Variants in APOL1 observed in about 807,000 individuals in gnomAD.
APOL1 encodes apolipoprotein L 1.
APOL1 carries 17 observed loss-of-function variants against 14.9 expected under a neutral mutation model. That is an observed-to-expected ratio of 1.14 (90% CI 0.78 to 1.71). The LOEUF is 1.71. Ranked by LOEUF, APOL1 falls within the 40% of genes most tolerant of loss-of-function variation. APOL1 has a pLI of 0.00. For synonymous variants in APOL1, 195 were observed against 184.8 expected (o/e 1.05, Z -0.45); for missense variants, 523 against 485.9 (o/e 1.08, Z -0.72).
At chr22:36,259,452 C>T (rs558474595) in intron 4 of APOL1, among the ~76,000 whole-genome samples, 119 of 152,306 alleles carry the variant, frequency 7.8e-4, no homozygotes, top group Middle Eastern at 3.4e-3. Context: ...GCTTCCTCCC[C>T]TTACAGAGTT....
chr22:36,261,884 C>A (rs1285041952), intron 5 of APOL1, among the ~76,000 whole-genome samples, 162 bp downstream of exon 5: 1 of 152,228 alleles, frequency 6.6e-6, no homozygotes, highest in African/African-American at 2.4e-5. Context: ...CCTCCATGTC[C>A]TTCGCTGGCA....
intron 5 of APOL1, among the ~76,000 whole-genome samples, chr22:36,263,189 G>A (rs567247696): frequency 1.2e-4 from 19 of 152,264 alleles, no homozygotes; most frequent in South Asian, 1.2e-3. Context: ...TGGCTGGAGC[G>A]TCCATGTGGA....
intron 4 of APOL1, among the ~76,000 whole-genome samples, chr22:36,258,419 A>G (rs2015963649): frequency 6.6e-6 from 1 of 152,196 alleles, no homozygotes; most frequent in African/African-American, 2.4e-5. Context: ...TGCAGTAAGG[A>G]CATTATTTGA....
In APOL1 at chr22:36,256,585, C is replaced by T. The variant is rs146236428; in HGVS notation, c.45-498C>T. Among the ~76,000 whole-genome samples, 213 of 152,224 alleles carry T rather than the reference C, an allele frequency of 1.4e-3. 1 individual carries two copies. The highest frequency in any genetic ancestry group is 4.9e-3 in the African/African-American group (204 of 41,534). ...GGGACAAAGAATCTTAGAGAAGCAACGGGGACACAGGCTGTCCAGTGCAGC... is the reference window on the plus strand; with the variant it reads ...GGGACAAAGAATCTTAGAGAAGCAATGGGGACACAGGCTGTCCAGTGCAGC... On this transcript the variant is annotated intron_variant, in intron 2 of 5. Coordinates refer to ENST00000397278, the MANE Select transcript of APOL1 (RefSeq NM_003661.4).
chr22:36,259,761 A>G, intron 4 of APOL1: 1 of 1,304,310 alleles, frequency 7.7e-7, no homozygotes, highest in Non-Finnish European at 1.0e-6. Flanking sequence ...CTCAAGGATC[A>G]GTGCTGAGGG....
intron 5 of APOL1, among the ~76,000 whole-genome samples, chr22:36,264,077 C>T (rs766880333): frequency 6.6e-6 from 1 of 152,096 alleles, no homozygotes. Context: ...AGGCCAAGGT[C>T]GGCGCCTAGT....
In APOL1 at chr22:36,265,780, G is replaced by A. The variant is rs2016233640; in HGVS notation, c.944G>A (p.Gly315Asp). 2.5e-6 allele frequency: 4 copies of A among 1,614,196 alleles called. No individual in the cohort carries two copies. Among genetic ancestry groups the A allele is most frequent in the Non-Finnish European group, 2.5e-6 (3 of 1,180,034 alleles). ...RVTEPISAES[G>D]EQVERVNEPS... ...ACTGAGCCAATCTCAGCTGAAAGCG[G>A]TGAACAGGTGGAGAGGGTTAATGAA... The change falls in exon 6 of 6, where the codon GGT becomes GAT. Residue 315 changes from glycine (G) to aspartate (D), a missense_variant. Gly to Asp is a moderately conservative substitution (Grantham distance 94). Coordinates refer to ENST00000397278, the MANE Select transcript of APOL1 (RefSeq NM_003661.4).
rs1202565172 is a variant in APOL1, at chr22:36,259,658, T to C, written c.188-1938T>C. 5 of 1,284,376 alleles carry C rather than the reference T, an allele frequency of 3.9e-6. No individual in the cohort carries two copies. In the Admixed American group the frequency reaches 1.2e-4, roughly 30 times the overall value. The allele number at this position is 1,284,376 out of a possible 1,614,324, so 79.6% of individuals were successfully genotyped here. On this transcript the variant is annotated intron_variant, in intron 4 of 5. Coordinates refer to ENST00000397278, the MANE Select transcript of APOL1 (RefSeq NM_003661.4). ...CCCCCCAAAACAAGATGATCTGTGG[T>C]TTAATAACAGGCCCAGCTGGGTCCA...
Position 36,265,330 on chromosome 22 carries a change from T to C in APOL1, c.494T>C (p.Val165Ala). The change falls in exon 6 of 6, where the codon GTT becomes GCT. Residue 165 changes from valine to alanine, a missense_variant. Transcript: ENST00000397278. ...IRRLRALADG[V>A]QKVHKGTTIA... The stretch of plus-strand genomic sequence containing the variant: ...AGGCTCCGTGCCCTTGCAGATGGGG[T>C]TCAGAAGGTCCACAAAGGCACCACC... 2 of 1,612,222 alleles carry C rather than the reference T, an allele frequency of 1.2e-6. No homozygotes were observed. The highest frequency in any genetic ancestry group is 2.2e-5 in the South Asian group (2 of 90,850).
At chr22:36,257,463 G>C (rs776232375) in intron 4 of APOL1, 56 bp downstream of exon 4, 122 of 1,494,070 alleles carry the variant, frequency 8.2e-5, no homozygotes, top group Non-Finnish European at 1.1e-4. Context: ...ATGGAGGGTG[G>C]CACCTCCACA....
intron 1 of APOL1, 43 bp downstream of exon 1, chr22:36,253,262 G>T: frequency 2.7e-6 from 1 of 368,686 alleles, no homozygotes; most frequent in South Asian, 2.1e-5. Context: ...TATTCTCACA[G>T]CTTTTGTAGA....
At chr22:36,263,100 G>C (rs1372369207) in intron 5 of APOL1, among the ~76,000 whole-genome samples, 1 of 152,200 alleles carries the variant, frequency 6.6e-6, no homozygotes. Flanking sequence ...CACTACTAAG[G>C]CATCAGTTAG....
rs117463237 is a variant in APOL1 at position 36,254,094 on chromosome 22, A to G, written c.-19-843A>G. The G allele has an allele frequency of 8.6e-3, 12,014 of 1,389,302 alleles. 69 individuals are homozygous for G. Among genetic ancestry groups the G allele is most frequent in the Middle Eastern group, 0.013 (74 of 5,684 alleles). 86.1% of individuals were successfully genotyped at this position (1,389,302 alleles called of 1,614,324 possible). On this transcript the variant is annotated intron_variant, in intron 1 of 5. Transcript: ENST00000397278. ...ATTAAAATCAAACATTTTTGCTTCA[A>G]TATTAGAGTCACAAGGGCAGATGTT...
Position 36,257,141 on chromosome 22 carries a change from G to A in APOL1, c.98+5G>A, listed in dbSNP as rs1195884801. On this transcript the variant is annotated splice_donor_5th_base_variant and intron_variant, in intron 3 of 5. Coordinates refer to ENST00000397278, the MANE Select transcript of APOL1 (RefSeq NM_003661.4). The stretch of plus-strand genomic sequence containing the variant: ...GGCAGAGGAAGCTGGAGCGAGGTGA[G>A]TGTCTGCAAATAGCAGATGATGGGG... 6.2e-7 allele frequency: 1 copy of A among 1,614,204 alleles called. No homozygotes were observed. The highest frequency in any genetic ancestry group is 2.2e-5 in the East Asian group (1 of 44,890).
intron 1 of APOL1, among the ~76,000 whole-genome samples, chr22:36,254,612 C>G (rs1427756543): frequency 6.6e-6 from 1 of 152,008 alleles, no homozygotes; most frequent in Non-Finnish European, 1.5e-5. Flanking sequence ...GCCTGTAATC[C>G]CAGCACTTTG....
chr22:36,258,183 C>T (rs1159910541), intron 4 of APOL1, among the ~76,000 whole-genome samples: 1 of 152,196 alleles, frequency 6.6e-6, no homozygotes, highest in East Asian at 1.9e-4. Context: ...CCCGCCCTGC[C>T]CTGCCCATCA....
Position 36,265,376 on chromosome 22 carries a change from C to A in APOL1, c.540C>A (p.Gly180=). The A allele has an allele frequency of 1.2e-6, 2 of 1,612,614 alleles. No individual in the cohort carries two copies. The highest frequency in any genetic ancestry group is 1.7e-6 in the Non-Finnish European group (2 of 1,179,102). The change falls in exon 6 of 6, where the codon GGC becomes GGA. Residue 180 remains glycine (G), a synonymous_variant. Coordinates refer to ENST00000397278, the MANE Select transcript of APOL1 (RefSeq NM_003661.4). ...CCACCATCGCCAATGTGGTGTCTGG[C>A]TCTCTCAGCATTTCCTCTGGCATCC... ...KGTTIANVVS[G]SLSISSGILT... is the part of the protein sequence containing the mutation.
Position 36,265,516 on chromosome 22 carries a change from C to A in APOL1, c.680C>A (p.Thr227Asn). 6.2e-7 allele frequency: 1 copy of A among 1,612,660 alleles called. No individual in the cohort carries two copies. The highest frequency in any genetic ancestry group is 8.5e-7 in the Non-Finnish European group (1 of 1,179,358). ...GCTTTGACCGGGATTACCAGCAGTA[C>A]CATGGACTACGGAAAGAAGTGGTGG... ...TAALTGITSS[T>N]MDYGKKWWTQ... Residue 227 changes from threonine to asparagine, a missense_variant, in exon 6 of 6, where the codon ACC becomes AAC. Coordinates refer to ENST00000397278, the MANE Select transcript of APOL1 (RefSeq NM_003661.4).
At position 36,261,582 on chromosome 22, in the gene APOL1, T is replaced by G. The variant is rs136163; in HGVS notation, c.188-14T>G. ...CACTTTCCTCCAACCTTATCCTTTC[T>G]TCTTTCCAACTAGAGAGCAGTATCT... On this transcript the variant is annotated splice_polypyrimidine_tract_variant and intron_variant, in intron 4 of 5. Transcript: ENST00000397278. The G allele has an allele frequency of 0.82, 1,316,292 of 1,608,192 alleles. 540,349 individuals carry two copies. The highest frequency in any genetic ancestry group is 0.95 in the African/African-American group (71,422 of 74,862).
Sources: gnomAD v4.1 joint callset for allele counts (sites outside exome capture counted in the v4.1 genomes callset) on GRCh38, gnomAD v4.1.1 for gene constraint, MANE v1.5 for transcripts, NCBI Gene and HGNC (gene_info 2026-07-23, HGNC 2026-07-21) for gene names.